Variants in SH3RF2 observed in about 807,000 individuals in gnomAD.
SH3RF2 encodes the protein E3 ubiquitin-protein ligase SH3RF2.
In SH3RF2, 43 loss-of-function variants were observed where a neutral mutation model predicts 59.0. That is an observed-to-expected ratio of 0.73 (90% CI 0.57 to 0.94). The LOEUF is 0.94. Ranked by LOEUF, SH3RF2 falls within the 40% of genes least tolerant of loss-of-function variation. The probability of loss-of-function intolerance (pLI) is 0.00; values close to 1 mark genes in which losing one functional copy is unlikely to be tolerated. For missense variants in SH3RF2, 930 were observed against 940.1 expected (o/e 0.99, Z 0.14); for synonymous variants, 391 against 391.5 (o/e 1.00, Z 0.01).
intron 2 of SH3RF2, among the ~76,000 whole-genome samples, chr5:145,964,142 TTTCC>T (rs968445801): frequency 2.6e-5 from 4 of 151,968 alleles, no homozygotes; most frequent in South Asian, 2.1e-4. Context: ...TCTTCCTTTC[TTTCC>T]TTCCTTCCTT....
chr5:145,968,606 T>C (rs927905696), intron 2 of SH3RF2, among the ~76,000 whole-genome samples: 2 of 152,130 alleles, frequency 1.3e-5, no homozygotes, highest in African/African-American at 4.8e-5. Flanking sequence ...TTAAAAAAAG[T>C]AAAAAGAAAG....
chr5:146,014,001 C>G lies in SH3RF2; in HGVS notation c.999C>G (p.Asn333Lys). 2 of 1,614,162 alleles carry G rather than the reference C, an allele frequency of 1.2e-6. No homozygotes were observed. Among genetic ancestry groups the G allele is most frequent in the Non-Finnish European group, 1.7e-6 (2 of 1,180,018 alleles). Residue 333 changes from asparagine (N) to lysine (K), a missense_variant, in exon 5 of 10, where the codon AAC becomes AAG. Transcript: ENST00000359120. ...ISTPVLISSS[N>K]PSVITQPMEK... ...CCCCAGTGCTCATCAGCTCCAGCAA[C>G]CCCTCTGTGATCACCCAGCCCATGG...
At chr5:146,030,257 G>C (rs1003194197) in intron 5 of SH3RF2, among the ~76,000 whole-genome samples, 2 of 152,174 alleles carry the variant, frequency 1.3e-5, no homozygotes, top group Admixed American at 6.5e-5. Context: ...CAAATATGGT[G>C]TGTCTACCAT....
chr5:145,976,627 GGTATTA>G (rs886882732), intron 2 of SH3RF2, among the ~76,000 whole-genome samples: 36 of 152,136 alleles, frequency 2.4e-4, no homozygotes, highest in African/African-American at 8.4e-4. Flanking sequence ...AAAAACGGAA[GGTATTA>G]GTCATTGACT....
At chr5:145,997,742 A>T in intron 2 of SH3RF2, 1 of 1,577,518 alleles carries the variant, frequency 6.3e-7, no homozygotes, top group South Asian at 1.1e-5. Flanking sequence ...AAGCAGTTAA[A>T]TCATTGTGGA....
At chr5:145,972,274 C>T (rs558565549) in intron 2 of SH3RF2, among the ~76,000 whole-genome samples, 1 of 151,984 alleles carries the variant, frequency 6.6e-6, no homozygotes, top group Non-Finnish European at 1.5e-5. Flanking sequence ...AGGTCATGCC[C>T]TTAACTACAA....
At chr5:145,976,754 T>C (rs1321114645) in intron 2 of SH3RF2, among the ~76,000 whole-genome samples, 1 of 152,240 alleles carries the variant, frequency 6.6e-6, no homozygotes, top group Non-Finnish European at 1.5e-5. Flanking sequence ...AAATCTTGCA[T>C]GCCTAAGCCA....
At chr5:145,972,319 A>C (rs772210670) in intron 2 of SH3RF2, among the ~76,000 whole-genome samples, 1 of 152,350 alleles carries the variant, frequency 6.6e-6, no homozygotes, top group African/African-American at 2.4e-5. Context: ...CCAGCATCCC[A>C]TCAGAATAGC....
intron 7 of SH3RF2, among the ~76,000 whole-genome samples, chr5:146,054,169 G>T (rs985870177): frequency 6.6e-6 from 1 of 152,190 alleles, no homozygotes; most frequent in South Asian, 2.1e-4. Context: ...CTAGATAAGT[G>T]CTGAGCTTTC....
intron 5 of SH3RF2, among the ~76,000 whole-genome samples, chr5:146,021,184 G>A (rs1337046198): frequency 6.6e-6 from 1 of 151,840 alleles, no homozygotes; most frequent in Admixed American, 6.6e-5. Flanking sequence ...TCTCAGGGCT[G>A]CCATGAGAAA....
In SH3RF2 at chr5:146,062,497, C is replaced by A. The variant is rs148808993; in HGVS notation, c.1986C>A (p.Ser662=). ...AACATTACACCTCCCATCCCACCTC[C>A]GGAAAGCCTGAACAGCCAGCCACCC... ...PTKHYTSHPT[S]GKPEQPATLK... Residue 662 remains serine, a synonymous_variant, in exon 10 of 10, where the codon TCC becomes TCA. Coordinates refer to ENST00000359120, the MANE Select transcript of SH3RF2 (RefSeq NM_152550.4). 13 of 1,614,092 alleles carry A rather than the reference C, an allele frequency of 8.1e-6. No homozygotes were observed. Among genetic ancestry groups the A allele is most frequent in the African/African-American group, 1.3e-5 (1 of 74,932 alleles).
In SH3RF2 at chr5:145,938,938, A is replaced by C. The variant is rs374317521; in HGVS notation, c.378+632A>C. Among the ~76,000 whole-genome samples the C allele has an allele frequency of 6.8e-4, 103 of 152,362 alleles. 1 individual carries two copies. Among genetic ancestry groups the C allele is most frequent in the Non-Finnish European group, 1.0e-3 (68 of 68,034 alleles). On this transcript the variant is annotated intron_variant, in intron 2 of 9. Transcript: ENST00000359120. ...TATAGGAGCTCTGCAGATGTGTCTC[A>C]TTTTGCAAAATGAATGAAATACAGA... is the stretch of plus-strand genomic sequence containing the variant.
chr5:146,054,224 G>A (rs1305964733), intron 7 of SH3RF2, among the ~76,000 whole-genome samples: 1 of 152,154 alleles, frequency 6.6e-6, no homozygotes, highest in Non-Finnish European at 1.5e-5. Flanking sequence ...GGAGACTTGG[G>A]ATTTAGAAGT....
intron 5 of SH3RF2, among the ~76,000 whole-genome samples, chr5:146,026,148 CTT>C (rs1761523718): frequency 6.6e-6 from 1 of 152,130 alleles, no homozygotes. Context: ...GATCTTGCCT[CTT>C]ATATGTAAAA....
intron 2 of SH3RF2, among the ~76,000 whole-genome samples, chr5:145,973,065 C>T (rs1304404347): frequency 1.3e-5 from 2 of 152,126 alleles, no homozygotes; most frequent in Non-Finnish European, 2.9e-5. Flanking sequence ...ACACCTGACC[C>T]GTGCTTGGGA....
At chr5:145,970,136 T>C (rs77375627) in intron 2 of SH3RF2, among the ~76,000 whole-genome samples, 156 of 152,284 alleles carry the variant, frequency 1.0e-3, no homozygotes, top group Admixed American at 4.3e-3. Flanking sequence ...ATTTTTTTTT[T>C]CAATCGTTTT....
At position 145,938,172 on chromosome 5, in the gene SH3RF2, T is replaced by G. The variant is rs747496596; in HGVS notation, c.244T>G (p.Ser82Ala). ...LLDGVRSGQS[S>A]GRGGSFRRPG... ...GGATGGAGTGCGCTCAGGGCAGAGC[T>G]CCGGGAGAGGGGGCTCCTTCCGCAG... is the stretch of plus-strand genomic sequence containing the variant. Residue 82 changes from serine to alanine, a missense_variant, in exon 2 of 10, where the codon TCC (serine) becomes GCC (alanine). Transcript: ENST00000359120. 3.7e-6 allele frequency: 6 copies of G among 1,613,932 alleles called. No homozygotes were observed. The Admixed American group carries it at 1.0e-4, about 27-fold the overall frequency.
chr5:146,062,644 G>A lies in SH3RF2; in HGVS notation c.2133G>A (p.Lys711=), dbSNP rs1275952884. ...TCCGGAGAAAGTCAGCTCTTGGCAA[G>A]GCCACAACCCTGGTGTCCACTGCCT... The part of the protein sequence containing the change: ...TDLRRKSALG[K]ATTLVSTASG... Residue 711 remains lysine (K), a synonymous_variant, in exon 10 of 10, where the codon AAG becomes AAA. Coordinates refer to ENST00000359120, the MANE Select transcript of SH3RF2 (RefSeq NM_152550.4). The A allele has an allele frequency of 6.2e-7, 1 of 1,614,196 alleles. No homozygotes were observed. Among genetic ancestry groups the A allele is most frequent in the Non-Finnish European group, 8.5e-7 (1 of 1,180,036 alleles).
At chr5:146,052,338 C>T (rs1299972896) in intron 7 of SH3RF2, among the ~76,000 whole-genome samples, 1 of 152,124 alleles carries the variant, frequency 6.6e-6, no homozygotes, top group Admixed American at 6.5e-5. Flanking sequence ...CTCTCCTTGG[C>T]CAAGGTCGGT....
Sources: gnomAD v4.1 joint callset for allele counts (sites outside exome capture counted in the v4.1 genomes callset) on GRCh38, gnomAD v4.1.1 for gene constraint, MANE v1.5 for transcripts, NCBI Gene and HGNC (gene_info 2026-07-23, HGNC 2026-07-21) for gene names.